The following GALNT11 variants were observed in gnomAD, a reference collection of about 807,000 sequenced individuals.
GALNT11 encodes polypeptide N-acetylgalactosaminyltransferase 11.
Under a neutral mutation model 72.7 loss-of-function variants are expected in GALNT11, and 47 were observed. The ratio of observed to expected loss-of-function variants is 0.65; its 90% CI spans 0.51 to 0.82. GALNT11 has a LOEUF of 0.82. Ranked by LOEUF, GALNT11 falls within the 40% of genes least tolerant of loss-of-function variation. The pLI, the probability that GALNT11 is intolerant of heterozygous loss-of-function variation, is 0.00. For missense variants in GALNT11, 677 were observed against 778.4 expected (o/e 0.87, Z 1.55); for synonymous variants, 270 against 286.6 (o/e 0.94, Z 0.58).
At chr7:152,109,630 C>T (rs2087969447) in intron 6 of GALNT11, among the ~76,000 whole-genome samples, 1 of 152,108 alleles carries the variant, frequency 6.6e-6, no homozygotes, top group African/African-American at 2.4e-5. Context: ...TTGTTTCTCT[C>T]ATTTTGTTTT....
intron 1 of GALNT11, among the ~76,000 whole-genome samples, chr7:152,047,608 G>A (rs2083196093): frequency 6.6e-6 from 1 of 151,994 alleles, no homozygotes; most frequent in African/African-American, 2.4e-5. Context: ...GAGGTATGAG[G>A]ATTGCTTGAG....
intron 1 of GALNT11, among the ~76,000 whole-genome samples, chr7:152,067,219 A>G (rs1296831028): frequency 2.0e-5 from 3 of 152,186 alleles, no homozygotes; most frequent in Non-Finnish European, 2.9e-5. Context: ...TGTGCATATC[A>G]CTATTTAGAG....
intron 3 of GALNT11, among the ~76,000 whole-genome samples, chr7:152,101,907 C>T (rs1198104955): frequency 1.3e-5 from 2 of 152,112 alleles, no homozygotes; most frequent in African/African-American, 2.4e-5. Flanking sequence ...GCAGGGATTA[C>T]AGGCGTGAGC....
intron 1 of GALNT11, among the ~76,000 whole-genome samples, chr7:152,092,685 G>A (rs78775539): frequency 1.4e-4 from 21 of 152,278 alleles, no homozygotes; most frequent in East Asian, 1.2e-3. Context: ...TTTTACAGTG[G>A]TGCTTTACTG....
intron 1 of GALNT11, among the ~76,000 whole-genome samples, chr7:152,039,550 C>T (rs551196425): frequency 6.6e-6 from 1 of 152,270 alleles, no homozygotes; most frequent in Non-Finnish European, 1.5e-5. Flanking sequence ...TTTCTTCCGC[C>T]ATCTGTGACA....
chr7:152,052,893 T>C (rs2083467976), intron 1 of GALNT11, among the ~76,000 whole-genome samples: 1 of 152,164 alleles, frequency 6.6e-6, no homozygotes, highest in African/African-American at 2.4e-5. Context: ...CTTCTGTTAA[T>C]CCTCTCAAGC....
Position 152,113,712 on chromosome 7 carries a change from C to CTTTTT in GALNT11, c.1233+352_1233+356dup, listed in dbSNP as rs6150397. On this transcript the variant is annotated intron_variant, in intron 8 of 11. Coordinates refer to ENST00000430044, the MANE Select transcript of GALNT11 (RefSeq NM_022087.4). ...TGTGACGCCTGCAAAAGTTGGCTTT[C>CTTTTT]TTTTTTTTTTTTTTTTTTTTTTTTT... is the stretch of plus-strand genomic sequence containing the variant. Among the ~76,000 whole-genome samples the CTTTTT allele has an allele frequency of 2.6e-3, 256 of 96,976 alleles. 24 individuals carry two copies. The highest frequency in any genetic ancestry group is 3.2e-3 in the Non-Finnish European group (158 of 49,498). 63.6% of individuals were successfully genotyped at this position (96,976 alleles called of 152,430 possible).
intron 1 of GALNT11, among the ~76,000 whole-genome samples, chr7:152,035,044 G>A (rs1418374021): frequency 6.6e-6 from 1 of 152,164 alleles, no homozygotes; most frequent in Non-Finnish European, 1.5e-5. Context: ...AGGGAGGGGA[G>A]GGATCTCCAG....
rs199902058 is a variant in GALNT11, at chr7:152,118,817, G to A, written c.1557+35G>A. The A allele has an allele frequency of 2.1e-4, 331 of 1,548,692 alleles. 1 individual carries two copies. The African/African-American group carries it at 4.1e-3, about 19-fold the overall frequency. On this transcript the variant is annotated intron_variant, in intron 10 of 11. Coordinates refer to ENST00000430044, the MANE Select transcript of GALNT11 (RefSeq NM_022087.4). ...ACCTCGGGGCTCACAGCCAGTGTCC[G>A]CAAGGAGGCTTCCAGTGTAGGGAAG...
intron 1 of GALNT11, among the ~76,000 whole-genome samples, chr7:152,071,821 G>T (rs1234230137): frequency 2.6e-5 from 4 of 152,000 alleles, no homozygotes; most frequent in African/African-American, 9.7e-5. Flanking sequence ...CTCTGTTTGG[G>T]GTCCCTGACT....
intron 1 of GALNT11, among the ~76,000 whole-genome samples, chr7:152,092,408 A>T (rs1218705568): frequency 6.6e-6 from 1 of 152,208 alleles, no homozygotes; most frequent in Non-Finnish European, 1.5e-5. Flanking sequence ...AAGTACCTGC[A>T]GCTGACATAG....
At chr7:152,106,819 G>A (rs985372864) in intron 5 of GALNT11, among the ~76,000 whole-genome samples, 3 of 152,170 alleles carry the variant, frequency 2.0e-5, no homozygotes, top group Admixed American at 1.3e-4. Flanking sequence ...ACCAGATGTG[G>A]TCTTCCTTTA....
intron 1 of GALNT11, among the ~76,000 whole-genome samples, chr7:152,071,308 T>A (rs1387316298): frequency 6.6e-6 from 1 of 152,178 alleles, no homozygotes; most frequent in Non-Finnish European, 1.5e-5. Context: ...TATAAGCGTA[T>A]ACCTCCAGGC....
chr7:152,057,836 T>C (rs1185881588), intron 1 of GALNT11, among the ~76,000 whole-genome samples: 1 of 152,212 alleles, frequency 6.6e-6, no homozygotes, highest in Non-Finnish European at 1.5e-5. Flanking sequence ...TTTTCTTAGT[T>C]TTTACCTAAT....
At chr7:152,065,449 A>G (rs1271085161) in intron 1 of GALNT11, among the ~76,000 whole-genome samples, 1 of 152,200 alleles carries the variant, frequency 6.6e-6, no homozygotes, top group Non-Finnish European at 1.5e-5. Context: ...AACTCGTCAA[A>G]GTCATTCTCC....
At chr7:152,117,396 A>G in intron 9 of GALNT11, 21 bp downstream of exon 9, 1 of 1,612,380 alleles carries the variant, frequency 6.2e-7, no homozygotes. Flanking sequence ...TGTTTTTTCC[A>G]AGTGGCTTAT....
chr7:152,058,900 G>A (rs547741463), intron 1 of GALNT11, among the ~76,000 whole-genome samples: 44 of 152,168 alleles, frequency 2.9e-4, no homozygotes, highest in Non-Finnish European at 2.4e-4. Context: ...CATATCTTCC[G>A]TCTCTATTTC....
intron 1 of GALNT11, among the ~76,000 whole-genome samples, chr7:152,029,217 G>A (rs2082190040): frequency 6.6e-6 from 1 of 152,138 alleles, no homozygotes; most frequent in Admixed American, 6.5e-5. Flanking sequence ...AGTCATTGCT[G>A]CCAAAGAGTC....
At chr7:152,032,131 C>T (rs1007486713) in intron 1 of GALNT11, among the ~76,000 whole-genome samples, 8 of 152,158 alleles carry the variant, frequency 5.3e-5, no homozygotes, top group Non-Finnish European at 8.8e-5. Context: ...ATGAGGCTTC[C>T]GAACTGGTAG....
Sources: allele counts gnomAD v4.1 joint callset (sites outside exome capture counted in the v4.1 genomes callset), GRCh38; gene constraint gnomAD v4.1.1; transcripts MANE v1.5; gene names NCBI Gene and HGNC (gene_info 2026-07-23, HGNC 2026-07-21).